ROR2: variants seen among roughly 807,000 people sequenced by gnomAD.
The protein encoded by ROR2 is tyrosine-protein kinase transmembrane receptor ROR2.
ROR2 carries 33 observed loss-of-function variants against 74.9 expected under a neutral mutation model. The observed-to-expected ratio is 0.44, with a 90% CI of 0.33 to 0.59. The LOEUF (loss-of-function observed/expected upper bound fraction) is 0.59. Ranked by LOEUF, ROR2 falls within the 20% of genes least tolerant of loss-of-function variation. The pLI is 0.02. For missense variants in ROR2, 1,216 were observed against 1,313.8 expected, an observed-to-expected ratio of 0.93 and a Z score of 1.15; for synonymous variants, 586 against 558.7, an observed-to-expected ratio of 1.05 and a Z score of -0.69.
intron 7 of ROR2, 128 bp downstream of exon 7, chr9:91,730,782 G>T (rs1668414447): frequency 4.8e-6 from 6 of 1,240,124 alleles, no homozygotes; most frequent in Non-Finnish European, 6.9e-6. Context: ...TGGTCACTGT[G>T]GTAAGATCAG....
chr9:91,795,473 T>G lies in ROR2; in HGVS notation c.98-19655A>C, dbSNP rs946812704. Among the ~76,000 whole-genome samples, 11 of 152,262 alleles carry G rather than the reference T, an allele frequency of 7.2e-5. No individual in the cohort carries two copies. In the East Asian group the frequency reaches 1.9e-3, roughly 27 times the overall value. On this transcript the variant is annotated intron_variant, in intron 1 of 8. Coordinates refer to ENST00000375708, the MANE Select transcript of ROR2 (RefSeq NM_004560.4). The stretch of plus-strand genomic sequence containing the variant: ...AATTGCCAACTATGAATTTTTTCTT[T>G]AAACTAATGGATTAGTCACTTCTAA...
In ROR2 at chr9:91,723,941, C is replaced by T. The variant is rs905958690; in HGVS notation, c.2553G>A (p.Val851=). 28 of 1,613,660 alleles carry T rather than the reference C, an allele frequency of 1.7e-5. No homozygotes were observed. Among genetic ancestry groups the T allele is most frequent in the Non-Finnish European group, 2.3e-5 (27 of 1,180,026 alleles). ...QIPMQMAPQQ[V]PPQMVPKPSS... is the part of the protein sequence containing the mutation. ...TGGGCTTGGGGACCATCTGAGGAGG[C>T]ACCTGCTGCGGGGCCATCTGCATTG... Residue 851 remains valine, a synonymous_variant, in exon 9 of 9, where the codon GTG becomes GTA. Transcript: ENST00000375708.
At chr9:91,732,634 T>C (rs911685017) in intron 6 of ROR2, among the ~76,000 whole-genome samples, 4 of 152,218 alleles carry the variant, frequency 2.6e-5, no homozygotes. Context: ...CATCCAAGGC[T>C]AAGGATCCTA....
chr9:91,791,023 A>T (rs1826955360), intron 1 of ROR2, among the ~76,000 whole-genome samples: 1 of 152,232 alleles, frequency 6.6e-6, no homozygotes, highest in Admixed American at 6.5e-5. Context: ...ATTATTGAAG[A>T]AATAAATATT....
intron 1 of ROR2, among the ~76,000 whole-genome samples, chr9:91,779,902 C>T (rs1019748310): frequency 2.0e-5 from 3 of 152,208 alleles, no homozygotes; most frequent in African/African-American, 4.8e-5. Flanking sequence ...GAGACATCAG[C>T]TCTTAAGCAG....
chr9:91,948,959 C>A (rs1051760011), intron 1 of ROR2: 1 of 976,844 alleles, frequency 1.0e-6, no homozygotes, highest in East Asian at 1.1e-4. Context: ...CTAGGCAGGT[C>A]CCAAGCTGCA....
intron 1 of ROR2, among the ~76,000 whole-genome samples, chr9:91,811,064 G>A (rs928574077): frequency 5.3e-5 from 8 of 152,242 alleles, no homozygotes; most frequent in Admixed American, 6.5e-5. Context: ...TCTTCGGCCT[G>A]AGGAGGCTGG....
At chr9:91,911,933 C>CAAAAAAAAAAAAAAAA (rs747087662) in intron 1 of ROR2, among the ~76,000 whole-genome samples, 4 of 76,392 alleles carry the variant, frequency 5.2e-5, no homozygotes, top group Non-Finnish European at 1.0e-4. Flanking sequence ...TGAGTCTAAG[C>CAAAAAAAAAAAAAAAA]AAAAAAAAAA....
rs184095609 is a variant in ROR2 at position 91,950,023 on chromosome 9, C to A, written c.-60G>T. 9.9e-4 allele frequency: 827 copies of A among 836,784 alleles called. 5 individuals are homozygous for A. The African/African-American group carries it at 0.013, about 14-fold the overall frequency. 51.8% of individuals were successfully genotyped at this position (836,784 alleles called of 1,614,324 possible). ...CTTCGGGCCGGGGCGCGGGGTCGGG[C>A]GCCACCACCCCTTTCTACGATGCGT... On this transcript the variant is annotated 5_prime_UTR_variant, in exon 1 of 9. Coordinates refer to ENST00000375708, the MANE Select transcript of ROR2 (RefSeq NM_004560.4).
chr9:91,885,858 G>A (rs1016441957), intron 1 of ROR2, among the ~76,000 whole-genome samples: 2 of 145,122 alleles, frequency 1.4e-5, no homozygotes, highest in Middle Eastern at 3.3e-3. Flanking sequence ...TTAAGTAGCA[G>A]TATGGTTTCC....
intron 1 of ROR2, among the ~76,000 whole-genome samples, chr9:91,918,314 T>C (rs116829080): frequency 0.015 from 2,319 of 150,742 alleles, 64 homozygotes; most frequent in African/African-American, 0.054. Flanking sequence ...AGAGGTCAAG[T>C]TCTCCCACTT....
intron 1 of ROR2, among the ~76,000 whole-genome samples, chr9:91,851,129 G>C (rs373059173): frequency 5.9e-5 from 9 of 152,200 alleles, no homozygotes; most frequent in South Asian, 2.1e-4. Context: ...GAGGCAGATG[G>C]ATCAAGAGGT....
chr9:91,730,181 G>T lies in ROR2; in HGVS notation c.1183+729C>A, dbSNP rs557089221. On this transcript the variant is annotated intron_variant, in intron 7 of 8. Transcript: ENST00000375708. ...TGGTTTCAAGCTCCTGGGTTCAAGA[G>T]ATCCACCCGTCTTGGCCTCCCAAAG... Among the ~76,000 whole-genome samples the T allele has an allele frequency of 3.3e-5, 5 of 152,290 alleles. No homozygotes were observed. The South Asian group carries it at 1.0e-3, about 32-fold the overall frequency.
At chr9:91,828,780 G>A (rs1044246007) in intron 1 of ROR2, among the ~76,000 whole-genome samples, 4 of 152,120 alleles carry the variant, frequency 2.6e-5, no homozygotes, top group Non-Finnish European at 5.9e-5. Flanking sequence ...CAATCCATTA[G>A]CTCGCCCCTT....
intron 1 of ROR2, among the ~76,000 whole-genome samples, chr9:91,844,212 AT>A (rs1828860899): frequency 6.6e-6 from 1 of 152,070 alleles, no homozygotes; most frequent in Non-Finnish European, 1.5e-5. Flanking sequence ...GATTATTTTG[AT>A]TTAAACTGCT....
intron 1 of ROR2, among the ~76,000 whole-genome samples, chr9:91,938,718 CCTT>C (rs1362894798): frequency 6.6e-6 from 1 of 152,222 alleles, no homozygotes; most frequent in Non-Finnish European, 1.5e-5. Flanking sequence ...ACACATCTCT[CCTT>C]CTGTATCATT....
At chr9:91,840,111 C>T (rs1828736930) in intron 1 of ROR2, among the ~76,000 whole-genome samples, 1 of 152,142 alleles carries the variant, frequency 6.6e-6, no homozygotes, top group African/African-American at 2.4e-5. Context: ...CAGAGAGTAC[C>T]TGGCTGCTTA....
Position 91,733,362 on chromosome 9 carries a change from G to T in ROR2, c.697C>A (p.His233Asn). ...CSQFAIPSFC[H>N]FVFPLCDARS... Reference sequence around the variant, plus strand: ...GCGTCGCACAGAGGAAACACGAAGTGGCAGAAGGATGGGATGGCGAACTGT... The same window carrying T: ...GCGTCGCACAGAGGAAACACGAAGTTGCAGAAGGATGGGATGGCGAACTGT... The change falls in exon 6 of 9, where the codon CAC becomes AAC. Residue 233 changes from histidine (H) to asparagine (N), a missense_variant. By Grantham distance (68) the His-to-Asn change is moderately conservative. Coordinates refer to ENST00000375708, the MANE Select transcript of ROR2 (RefSeq NM_004560.4). This position sits in a 1 kb window ranked among gnomAD's most constrained non-coding sequence, Gnocchi z 5.7. The T allele has an allele frequency of 6.2e-7, 1 of 1,612,316 alleles. No homozygotes were observed.
At chr9:91,760,005 T>C (rs561138522) in intron 2 of ROR2, among the ~76,000 whole-genome samples, 28 of 152,360 alleles carry the variant, frequency 1.8e-4, no homozygotes, top group Non-Finnish European at 3.1e-4. Context: ...AACTAGATTA[T>C]ATCCACAGTA....
Sources: gnomAD v4.1 joint callset for allele counts (sites outside exome capture counted in the v4.1 genomes callset) on GRCh38, gnomAD v4.1.1 for gene constraint, Gnocchi (gnomAD v3.1) non-coding constraint, MANE v1.5 for transcripts, NCBI Gene and HGNC (gene_info 2026-07-23, HGNC 2026-07-21) for gene names.